Variants in MTERF4 observed in about 807,000 individuals in gnomAD.
MTERF4 encodes transcription termination factor 4, mitochondrial.
MTERF4 carries 17 observed loss-of-function variants against 22.5 expected under a neutral mutation model. That is an observed-to-expected ratio of 0.75 (90% CI 0.52 to 1.13). MTERF4 has a LOEUF of 1.13. Ranked by LOEUF, MTERF4 falls within the 50% of genes most tolerant of loss-of-function variation. The probability of loss-of-function intolerance (pLI) is 0.00; values close to 1 mark genes in which losing one functional copy is unlikely to be tolerated. For synonymous variants in MTERF4, 165 were observed against 175.3 expected (o/e 0.94, Z 0.47); for missense variants, 420 against 466.8 (o/e 0.90, Z 0.92).
chr2:241,046,042 A>T, the MTERF4 span, among the ~76,000 whole-genome samples: 1 of 152,230 alleles, frequency 6.6e-6, no homozygotes, highest in East Asian at 1.9e-4. Context: ...TATGGAGGTG[A>T]ATAAACGGAT....
At chr2:241,059,520 G>C in the MTERF4 span, among the ~76,000 whole-genome samples, 1 of 152,100 alleles carries the variant, frequency 6.6e-6, no homozygotes, top group Non-Finnish European at 1.5e-5. Context: ...CAAGAACATA[G>C]ACACAACAAT....
chr2:241,096,364 C>T lies in MTERF4; in HGVS notation c.780G>A (p.Lys260=). The change falls in exon 4 of 4, where the codon AAG becomes AAA. Residue 260 remains lysine, a synonymous_variant. Coordinates refer to ENST00000391980, the MANE Select transcript of MTERF4 (RefSeq NM_182501.4). This position sits in a 1 kb window ranked among gnomAD's most constrained non-coding sequence, Gnocchi z 5.1. ...CCAGGTAAATGTGTCTCTGCTTAAT[C>T]TTGGTTAGTGAATACTGCAAGTACT... is the stretch of plus-strand genomic sequence containing the variant. ...KSEYLQYSLT[K]IKQRHIYLER... The T allele has an allele frequency of 6.2e-7, 1 of 1,614,186 alleles. No individual in the cohort carries two copies. The highest frequency in any genetic ancestry group is 8.5e-7 in the Non-Finnish European group (1 of 1,180,046).
At chr2:241,090,586 G>A, downstream of MTERF4, 1 of 998,264 alleles carries the variant, frequency 1.0e-6, no homozygotes, top group Non-Finnish European at 1.3e-6. Context: ...GTATACACCA[G>A]CATCACCACA....
At chr2:241,065,633 C>T in the MTERF4 span, 5 of 1,590,902 alleles carry the variant, frequency 3.1e-6, no homozygotes, top group Non-Finnish European at 4.3e-6. Flanking sequence ...TGCCCAGCCC[C>T]TGCCCCTCGA....
At chr2:241,072,506 G>A in exon 5 of MTERF4, 1 of 340,360 alleles carries the variant, frequency 2.9e-6, no homozygotes, top group South Asian at 2.2e-5. Context: ...AGGCCAGGTG[G>A]TCATCCTCAT....
the MTERF4 span, chr2:241,051,408 G>A: frequency 7.9e-6 from 2 of 254,028 alleles, no homozygotes; most frequent in Admixed American, 1.1e-4. This position sits in a 1 kb window ranked among gnomAD's most constrained non-coding sequence, Gnocchi z 4.7. Context: ...GATGGGGAAT[G>A]CCCGTGTGCA....
At chr2:241,064,119 G>A in the MTERF4 span, 7 of 1,556,214 alleles carry the variant, frequency 4.5e-6, no homozygotes, top group East Asian at 2.4e-5. This position sits in a 1 kb window ranked among gnomAD's most constrained non-coding sequence, Gnocchi z 7.0. Context: ...CTACCACTGC[G>A]AGACAGGTAG....
chr2:241,082,039 G>A (rs1489557786), intron 4 of MTERF4, among the ~76,000 whole-genome samples: 1 of 152,224 alleles, frequency 6.6e-6, no homozygotes, highest in Non-Finnish European at 1.5e-5. Context: ...CAGCTTCGGA[G>A]GGCTCCCTGA....
At chr2:241,063,947 GT>G in the MTERF4 span, 2 of 1,220,606 alleles carry the variant, frequency 1.6e-6, no homozygotes, top group Non-Finnish European at 2.3e-6. Context: ...TCTTCCCGCT[GT>G]CCTCTCCTCC....
chr2:241,071,057 G>A (rs1324752968), downstream of MTERF4, among the ~76,000 whole-genome samples: 1 of 152,234 alleles, frequency 6.6e-6, no homozygotes, highest in East Asian at 1.9e-4. Flanking sequence ...ACCTCTGTGA[G>A]CCGGCGTCAG....
the MTERF4 span, chr2:241,048,830 G>T: frequency 4.3e-6 from 6 of 1,406,742 alleles, no homozygotes; most frequent in South Asian, 7.3e-5. Flanking sequence ...GAAATGAATG[G>T]TGGCTTCGGC....
downstream of MTERF4, chr2:241,090,189 TTC>T (rs1299645337): frequency 3.4e-6 from 5 of 1,466,814 alleles, no homozygotes; most frequent in Non-Finnish European, 3.6e-6. Context: ...CTTAGTGCTT[TTC>T]TCTGTTTTTA....
At chr2:241,051,681 A>C in the MTERF4 span, 1 of 1,266,134 alleles carries the variant, frequency 7.9e-7, no homozygotes, top group Non-Finnish European at 1.1e-6. This position sits in a 1 kb window ranked among gnomAD's most constrained non-coding sequence, Gnocchi z 4.7. Context: ...CCAGGAGGGT[A>C]TAGTGGCTCT....
chr2:241,061,695 G>A, the MTERF4 span, among the ~76,000 whole-genome samples: 1 of 152,100 alleles, frequency 6.6e-6, no homozygotes, highest in Admixed American at 6.5e-5. Flanking sequence ...GACCAGCCTG[G>A]CCAACATAGT....
At chr2:241,068,240 T>C (rs1179277294), downstream of MTERF4, among the ~76,000 whole-genome samples, 2 of 148,982 alleles carry the variant, frequency 1.3e-5, no homozygotes, top group Admixed American at 6.7e-5. The surrounding 1 kb of genome is among the most constrained non-coding windows in gnomAD (Gnocchi z 5.3). Flanking sequence ...ACACAGATCA[T>C]GAGAGTGACT....
At chr2:241,047,253 C>T in the MTERF4 span, among the ~76,000 whole-genome samples, 688 of 151,416 alleles carry the variant, frequency 4.5e-3, 5 homozygotes, top group African/African-American at 0.016. Context: ...GGGAATACTG[C>T]TGGGAATTAG....
chr2:241,090,375 TC>T (rs1559323437), downstream of MTERF4: 4 of 1,550,278 alleles, frequency 2.6e-6, no homozygotes, highest in Non-Finnish European at 3.5e-6. Context: ...GATGCCTTCT[TC>T]TGGAAACCTC....
At chr2:241,057,391 A>ATATATG in the MTERF4 span, among the ~76,000 whole-genome samples, 1 of 138,768 alleles carries the variant, frequency 7.2e-6, no homozygotes, top group African/African-American at 2.9e-5. Context: ...ATATATATAT[A>ATATATG]TATATATATA....
chr2:241,049,828 C>T, the MTERF4 span: 1 of 1,613,710 alleles, frequency 6.2e-7, no homozygotes, highest in Non-Finnish European at 8.5e-7. Flanking sequence ...CCTGCCATCA[C>T]CCTGCGACTC....
Sources: gnomAD v4.1 joint callset for allele counts (sites outside exome capture counted in the v4.1 genomes callset) on GRCh38, gnomAD v4.1.1 for gene constraint, Gnocchi (gnomAD v3.1) non-coding constraint, MANE v1.5 for transcripts, NCBI Gene and HGNC (gene_info 2026-07-23, HGNC 2026-07-21) for gene names.